Variants in TANC2 observed in about 807,000 individuals in gnomAD.
The protein encoded by TANC2 is protein TANC2.
A neutral mutation model predicts 210.5 loss-of-function variants in TANC2; 26 were observed. The ratio of observed to expected loss-of-function variants is 0.12; its 90% CI spans 0.09 to 0.17. TANC2 has a LOEUF of 0.17. Ranked by LOEUF, TANC2 falls within the 10% of genes least tolerant of loss-of-function variation. TANC2 has a pLI of 1.00. For synonymous variants in TANC2, 931 were observed against 967.1 expected (o/e 0.96, Z 0.69); for missense variants, 2,129 against 2,608.9 (o/e 0.82, Z 4.01).
intron 5 of TANC2, among the ~76,000 whole-genome samples, chr17:63,170,495 TG>T (rs1338792256): frequency 6.6e-6 from 1 of 152,000 alleles, no homozygotes; most frequent in African/African-American, 2.4e-5. Context: ...TATCCTCAGC[TG>T]GAAGGTCTTC....
chr17:62,973,140 C>T (rs1306617430), intron 1 of TANC2, among the ~76,000 whole-genome samples: 1 of 152,010 alleles, frequency 6.6e-6, no homozygotes, highest in Non-Finnish European at 1.5e-5. Context: ...AGTGATTCTC[C>T]TGCCTCAGCC....
At chr17:63,029,722 A>C (rs1364606724) in intron 2 of TANC2, among the ~76,000 whole-genome samples, 2 of 152,138 alleles carry the variant, frequency 1.3e-5, no homozygotes, top group Non-Finnish European at 1.5e-5. Flanking sequence ...GATATTTCCT[A>C]GTCTCAGGGA....
At chr17:63,082,264 T>TA (rs951968026) in intron 3 of TANC2, among the ~76,000 whole-genome samples, 44 of 152,294 alleles carry the variant, frequency 2.9e-4, no homozygotes, top group Non-Finnish European at 4.3e-4. Context: ...ATAAAAGTTA[T>TA]AAAAAAACTT....
intron 7 of TANC2, among the ~76,000 whole-genome samples, chr17:63,236,708 T>C (rs1361941436): frequency 4.6e-5 from 7 of 152,118 alleles, no homozygotes; most frequent in Non-Finnish European, 1.0e-4. Flanking sequence ...TACTTCAATA[T>C]GTGCACATTT....
chr17:62,997,477 C>G (rs572388300), intron 1 of TANC2, among the ~76,000 whole-genome samples: 2 of 152,158 alleles, frequency 1.3e-5, no homozygotes, highest in South Asian at 2.1e-4. Context: ...ATATATGTAG[C>G]TTACTTTTTA....
chr17:63,002,193 T>A (rs970720401), intron 1 of TANC2, among the ~76,000 whole-genome samples: 1 of 152,174 alleles, frequency 6.6e-6, no homozygotes, highest in South Asian at 2.1e-4. Flanking sequence ...TCTCAATGAT[T>A]AATAATTAGT....
chr17:63,232,670 G>A (rs2042509125), intron 7 of TANC2, among the ~76,000 whole-genome samples: 1 of 152,226 alleles, frequency 6.6e-6, no homozygotes, highest in Non-Finnish European at 1.5e-5. Context: ...CCCGATGTCA[G>A]CGGGAACCCT....
At chr17:63,134,345 A>G (rs1003656661) in intron 4 of TANC2, among the ~76,000 whole-genome samples, 3 of 152,164 alleles carry the variant, frequency 2.0e-5, no homozygotes, top group Non-Finnish European at 4.4e-5. Context: ...TGAGCACATT[A>G]TATATGCAAG....
At chr17:63,411,957 A>ATT in intron 22 of TANC2, 41 bp from the exon 23 acceptor site, 1 of 1,611,522 alleles carries the variant, frequency 6.2e-7, no homozygotes, top group South Asian at 1.1e-5. Flanking sequence ...GTGCTGAGCC[A>ATT]TTACGCCTGT....
chr17:63,164,202 A>G (rs561868495), intron 5 of TANC2, among the ~76,000 whole-genome samples: 11 of 145,346 alleles, frequency 7.6e-5, no homozygotes, highest in African/African-American at 2.6e-4. Context: ...TGGTGTGATC[A>G]TAGCTCACTG....
intron 7 of TANC2, among the ~76,000 whole-genome samples, chr17:63,205,344 C>CAAAAAAAAAAAAAAAAAAAAAAAAA (rs1158768609): frequency 1.2e-4 from 1 of 8,070 alleles, no homozygotes; most frequent in Non-Finnish European, 2.4e-4. Flanking sequence ...ACCAAGGAGG[C>CAAAAAAAAAAAAAAAAAAAAAAAAA]AAAAAAAAAA....
chr17:63,340,085 C>T lies in TANC2; in HGVS notation c.1576-16C>T, dbSNP rs201450710. 40 of 1,598,216 alleles carry T rather than the reference C, an allele frequency of 2.5e-5. No individual in the cohort carries two copies. In the African/African-American group the frequency reaches 4.7e-4, roughly 19 times the overall value. On this transcript the variant is annotated splice_polypyrimidine_tract_variant and intron_variant, in intron 11 of 27. Transcript: ENST00000689528. ...CTACTGATAAGCCTGTTTGCATTCT[C>T]ATCTTTCTTTTGCAGGTGGTTGCCT...
At chr17:63,336,158 T>G (rs2046020008) in intron 11 of TANC2, among the ~76,000 whole-genome samples, 3 of 151,850 alleles carry the variant, frequency 2.0e-5, no homozygotes, top group Admixed American at 2.0e-4. Context: ...AACTTTAGAG[T>G]TGGAAGGGTT....
At chr17:63,411,632 C>G in exon 22 of TANC2, 1 of 1,613,964 alleles carries the variant, frequency 6.2e-7, no homozygotes, top group Non-Finnish European at 8.5e-7. Flanking sequence ...ACCATGCTGA[C>G]AAGAATGGCC....
chr17:63,374,088 G>C (rs550638437), intron 14 of TANC2, among the ~76,000 whole-genome samples: 2 of 144,016 alleles, frequency 1.4e-5, no homozygotes, highest in South Asian at 4.4e-4. Context: ...CCAGGCTGGA[G>C]TGCAACGGTG....
At chr17:63,141,337 T>G (rs548954879) in intron 4 of TANC2, among the ~76,000 whole-genome samples, 57 of 113,878 alleles carry the variant, frequency 5.0e-4, no homozygotes, top group African/African-American at 1.7e-3. Context: ...AGGTCAGGAG[T>G]TCAAGACCAG....
intron 21 of TANC2, among the ~76,000 whole-genome samples, chr17:63,408,445 G>A (rs2048587192): frequency 6.6e-6 from 1 of 152,098 alleles, no homozygotes; most frequent in African/African-American, 2.4e-5. Flanking sequence ...CCTTATCTTT[G>A]GAAAAATCAG....
At chr17:63,347,883 T>C (rs1309596167) in intron 12 of TANC2, among the ~76,000 whole-genome samples, 1 of 152,168 alleles carries the variant, frequency 6.6e-6, no homozygotes. Flanking sequence ...CAAGCTATCC[T>C]CCTGCCTCAG....
intron 2 of TANC2, among the ~76,000 whole-genome samples, chr17:63,045,882 C>G (rs1256414532): frequency 6.6e-6 from 1 of 152,102 alleles, no homozygotes; most frequent in Non-Finnish European, 1.5e-5. Context: ...CTCAAGTGAT[C>G]TTCCCACATT....
Sources: gnomAD v4.1 joint callset for allele counts (sites outside exome capture counted in the v4.1 genomes callset) on GRCh38, gnomAD v4.1.1 for gene constraint, MANE v1.5 for transcripts, NCBI Gene and HGNC (gene_info 2026-07-23, HGNC 2026-07-21) for gene names.